DAB2IP: variants seen among roughly 807,000 people sequenced by gnomAD.
DAB2IP encodes disabled homolog 2-interacting protein.
Under a neutral mutation model 107.2 loss-of-function variants are expected in DAB2IP, and 28 were observed. That is an observed-to-expected ratio of 0.26 (90% CI 0.19 to 0.36). The LOEUF is 0.36. Ranked by LOEUF, DAB2IP falls within the 10% of genes least tolerant of loss-of-function variation. The probability of loss-of-function intolerance (pLI) is 1.00; values close to 1 mark genes in which losing one functional copy is unlikely to be tolerated. For synonymous variants in DAB2IP, 755 were observed against 706.4 expected (o/e 1.07, Z -1.09); for missense variants, 1,400 against 1,644.7 (o/e 0.85, Z 2.57).
intron 3 of DAB2IP, among the ~76,000 whole-genome samples, chr9:121,728,816 G>C (rs893891828): frequency 1.3e-5 from 2 of 152,014 alleles, no homozygotes; most frequent in Non-Finnish European, 2.9e-5. Flanking sequence ...ATGAGATTTG[G>C]GGAGGGGGGG....
chr9:121,652,870 A>G (rs1332492391), intron 1 of DAB2IP, among the ~76,000 whole-genome samples: 1 of 152,168 alleles, frequency 6.6e-6, no homozygotes, highest in East Asian at 1.9e-4. Context: ...GTGTGAGGGT[A>G]AATGAAGCAG....
At chr9:121,708,232 G>A (rs1830154819) in intron 3 of DAB2IP, among the ~76,000 whole-genome samples, 1 of 152,160 alleles carries the variant, frequency 6.6e-6, no homozygotes, top group African/African-American at 2.4e-5. Flanking sequence ...CATTTCACAG[G>A]TGTAGAAACT....
intron 1 of DAB2IP, among the ~76,000 whole-genome samples, chr9:121,622,890 C>T (rs1348748626): frequency 1.3e-5 from 2 of 152,116 alleles, no homozygotes. Context: ...GGAATAGTGC[C>T]ATTGCCAGGG....
chr9:121,752,065 G>A, intron 3 of DAB2IP: 1 of 980,710 alleles, frequency 1.0e-6, no homozygotes, highest in Non-Finnish European at 1.2e-6. Flanking sequence ...GGGCCGTGGG[G>A]AGCAGTGTGC....
At chr9:121,571,663 T>C (rs1225887613) in intron 1 of DAB2IP, among the ~76,000 whole-genome samples, 1 of 152,066 alleles carries the variant, frequency 6.6e-6, no homozygotes, top group Non-Finnish European at 1.5e-5. Context: ...CATCAGGTGT[T>C]CAGAGGCTGA....
At position 121,622,539 on chromosome 9, in the gene DAB2IP, G is replaced by A. The variant is rs982256150; in HGVS notation, c.40+55311G>A. 7.2e-5 allele frequency among the ~76,000 whole-genome samples: 11 copies of A among 152,240 alleles called. No individual in the cohort carries two copies. The East Asian group carries it at 1.7e-3, about 24-fold the overall frequency. On this transcript the variant is annotated intron_variant, in intron 1 of 16. Transcript: ENST00000259371. Reference sequence around the variant, plus strand: ...AGGTTACGTGGGTTTTGTCAGATACGCTGGGCTCCATGGCCGGGAGCCCTC... The same window carrying A: ...AGGTTACGTGGGTTTTGTCAGATACACTGGGCTCCATGGCCGGGAGCCCTC...
intron 1 of DAB2IP, among the ~76,000 whole-genome samples, chr9:121,642,263 C>CG (rs1343269704): frequency 6.6e-6 from 1 of 150,908 alleles, no homozygotes; most frequent in Non-Finnish European, 1.5e-5. Context: ...ATTATTGAGA[C>CG]TGAGTCTCAC....
In DAB2IP at chr9:121,606,783, T is replaced by G. The variant is rs553561365; in HGVS notation, c.40+39555T>G. ...CAGCGTTCTTTGTTTTTTGTTTTTT[T>G]TTTTTTCTTGAGATGGAGTCTCGCT... On this transcript the variant is annotated intron_variant, in intron 1 of 16. Transcript: ENST00000259371. Among the ~76,000 whole-genome samples the G allele has an allele frequency of 1.7e-4, 26 of 151,930 alleles. 1 individual carries two copies. The South Asian group carries it at 3.7e-3, about 22-fold the overall frequency.
chr9:121,727,957 C>T (rs930552701), intron 3 of DAB2IP, among the ~76,000 whole-genome samples: 1 of 152,186 alleles, frequency 6.6e-6, no homozygotes, highest in African/African-American at 2.4e-5. Flanking sequence ...TCCAGCTGCT[C>T]AGTGTTGTCT....
intron 1 of DAB2IP, among the ~76,000 whole-genome samples, chr9:121,605,168 C>T (rs1055975455): frequency 1.3e-5 from 2 of 151,968 alleles, no homozygotes; most frequent in East Asian, 1.9e-4. Flanking sequence ...TACAGGTGCT[C>T]GCCACCATGC....
intron 1 of DAB2IP, among the ~76,000 whole-genome samples, chr9:121,607,033 C>G (rs1231866484): frequency 6.6e-6 from 1 of 152,090 alleles, no homozygotes; most frequent in Non-Finnish European, 1.5e-5. Context: ...CCTGGGCCTC[C>G]CAAAGTGCTG....
intron 14 of DAB2IP, among the ~76,000 whole-genome samples, chr9:121,778,569 T>A (rs1295303397): frequency 6.6e-6 from 1 of 152,278 alleles, no homozygotes; most frequent in Non-Finnish European, 1.5e-5. Context: ...AGTATTTTTT[T>A]ATGATTCCAT....
intron 3 of DAB2IP, chr9:121,737,341 A>G (rs940008260): frequency 2.2e-5 from 22 of 985,350 alleles, no homozygotes; most frequent in Non-Finnish European, 2.5e-5. Flanking sequence ...TTCCTGAAGG[A>G]CACGGAAACC....
chr9:121,653,804 C>T (rs748193948), intron 1 of DAB2IP, among the ~76,000 whole-genome samples: 7 of 152,320 alleles, frequency 4.6e-5, no homozygotes, highest in African/African-American at 7.2e-5. Flanking sequence ...CACCTGAGCC[C>T]CAGCTCCCAG....
Position 121,641,567 on chromosome 9 carries a change from C to A in DAB2IP, c.41-37111C>A, listed in dbSNP as rs189429010. ...CAGAGGAGCCTTGTTCAAAGGCACA[C>A]AGCAAAGTGAAGGCATTTATTCATC... On this transcript the variant is annotated intron_variant, in intron 1 of 16. Coordinates refer to the DAB2IP transcript ENST00000259371. 9.8e-5 allele frequency among the ~76,000 whole-genome samples: 15 copies of A among 152,340 alleles called. No homozygotes were observed. The East Asian group carries it at 2.9e-3, about 29-fold the overall frequency.
chr9:121,588,897 C>T (rs1410242133), intron 1 of DAB2IP, among the ~76,000 whole-genome samples: 1 of 151,858 alleles, frequency 6.6e-6, no homozygotes, highest in Non-Finnish European at 1.5e-5. Context: ...CTACTTCTAG[C>T]AGCCTCCCCA....
upstream of DAB2IP, among the ~76,000 whole-genome samples, chr9:121,650,698 G>A (rs114833546): frequency 0.012 from 1,878 of 152,338 alleles, 26 homozygotes; most frequent in African/African-American, 0.042. Context: ...AAAGAGATAA[G>A]GGGCGGGGAG....
rs539096990 is a variant in DAB2IP at position 121,656,071 on chromosome 9, C to T, written c.124+4172C>T. Among the ~76,000 whole-genome samples the T allele has an allele frequency of 1.2e-3, 184 of 151,096 alleles. No homozygotes were observed. In the Middle Eastern group the frequency reaches 0.014, roughly 11 times the overall value. ...TTACCCAGGCTGGAGTGCAATGGCG[C>T]GATCTCAGCTCACCGCAACCTCTGC... is the stretch of plus-strand genomic sequence containing the variant. On this transcript the variant is annotated intron_variant, in intron 1 of 15. Transcript: ENST00000408936.
chr9:121,699,561 G>T lies in DAB2IP; in HGVS notation c.362+103G>T. 9.5e-7 allele frequency: 1 copy of T among 1,048,572 alleles called. No individual in the cohort carries two copies. Among genetic ancestry groups the T allele is most frequent in the Non-Finnish European group, 1.2e-6 (1 of 849,204 alleles). 65.0% of individuals were successfully genotyped at this position (1,048,572 alleles called of 1,614,324 possible). A position where few individuals can be genotyped will look rare whatever the true frequency, so the allele number is the denominator to read the frequency against. On this transcript the variant is annotated intron_variant, in intron 3 of 15. Transcript: ENST00000408936. This position sits in a 1 kb window ranked among gnomAD's most constrained non-coding sequence, Gnocchi z 6.2. ...AGCCCGGCCCGGGGCGAGCCACACG[G>T]CGGTGGGGGGACCCCACGCCGCCCG...
Sources: gnomAD v4.1 joint callset for allele counts (sites outside exome capture counted in the v4.1 genomes callset) on GRCh38, gnomAD v4.1.1 for gene constraint, Gnocchi (gnomAD v3.1) non-coding constraint, MANE v1.5 for transcripts, NCBI Gene and HGNC (gene_info 2026-07-23, HGNC 2026-07-21) for gene names.